Variants in SLC38A9 observed in about 807,000 individuals in gnomAD.
The protein encoded by SLC38A9 is solute carrier family 38 member 9.
In SLC38A9, 48 loss-of-function variants were observed where a neutral mutation model predicts 62.3. That is an observed-to-expected ratio of 0.77 (90% CI 0.61 to 0.98). SLC38A9 has a LOEUF of 0.98. SLC38A9 is among the 50% of genes least tolerant of loss of function. The pLI is 0.00. For synonymous variants in SLC38A9, 204 were observed against 227.7 expected (o/e 0.90, Z 0.94); for missense variants, 541 against 679.8 (o/e 0.80, Z 2.27).
intron 2 of SLC38A9, among the ~76,000 whole-genome samples, chr5:55,699,704 G>C (rs999572201): frequency 1.5e-5 from 2 of 136,916 alleles, no homozygotes; most frequent in African/African-American, 2.6e-5. Context: ...GTTTAAATAA[G>C]GACCAGAGTG....
intron 14 of SLC38A9, among the ~76,000 whole-genome samples, chr5:55,628,960 T>C (rs1742949035): frequency 6.6e-6 from 1 of 152,134 alleles, no homozygotes; most frequent in Non-Finnish European, 1.5e-5. Flanking sequence ...CAGATAAAGA[T>C]TACAGAGAAT....
At chr5:55,683,024 G>C (rs1437327860) in intron 3 of SLC38A9, among the ~76,000 whole-genome samples, 1 of 151,844 alleles carries the variant, frequency 6.6e-6, no homozygotes, top group Non-Finnish European at 1.5e-5. Context: ...AGGTGGGGAA[G>C]AAGAGAAGAA....
intron 3 of SLC38A9, chr5:55,693,446 T>C (rs976922716): frequency 2.0e-5 from 3 of 152,192 alleles, no homozygotes; most frequent in African/African-American, 7.2e-5. Context: ...GAAATTTTGA[T>C]TGCTTTTAAT....
At chr5:55,682,687 A>G (rs6876798) in intron 3 of SLC38A9, among the ~76,000 whole-genome samples, 91,041 of 151,658 alleles carry the variant, frequency 0.6, 27,873 homozygotes, top group South Asian at 0.7. Context: ...AGGCAGGAGG[A>G]CTGCTTGAGC....
rs1742360426 is a variant in SLC38A9 at position 55,625,926 on chromosome 5, C to T, written c.*568G>A. On this transcript the variant is annotated 3_prime_UTR_variant, in exon 16 of 16. Coordinates refer to ENST00000396865, the MANE Select transcript of SLC38A9 (RefSeq NM_173514.4). ...GGGATTACATTGACATTACTTTTGT[C>T]TCTACTTTTTCTTCAAATAGAGATT... 6.6e-6 allele frequency: 1 copy of T among 152,578 alleles called. No individual in the cohort carries two copies. Among genetic ancestry groups the T allele is most frequent in the African/African-American group, 2.4e-5 (1 of 41,420 alleles). 9.5% of individuals were successfully genotyped at this position (152,578 alleles called of 1,614,324 possible).
At chr5:55,637,259 A>G (rs1744564884) in intron 12 of SLC38A9, among the ~76,000 whole-genome samples, 5 of 152,198 alleles carry the variant, frequency 3.3e-5, no homozygotes, top group Admixed American at 3.3e-4. Flanking sequence ...GACATCTTGC[A>G]AAGAAGTGTA....
At chr5:55,655,487 C>CA (rs1400638991) in intron 9 of SLC38A9, among the ~76,000 whole-genome samples, 3 of 152,050 alleles carry the variant, frequency 2.0e-5, no homozygotes, top group Non-Finnish European at 1.5e-5. Context: ...GAATAGGGCA[C>CA]AAGAGATTTT....
chr5:55,681,544 T>A (rs992049447), intron 3 of SLC38A9, among the ~76,000 whole-genome samples: 4 of 152,224 alleles, frequency 2.6e-5, no homozygotes, highest in Non-Finnish European at 5.9e-5. Context: ...GACTGCAGGT[T>A]TGCTTCAGGG....
At chr5:55,666,479 G>C (rs1447486553) in intron 7 of SLC38A9, among the ~76,000 whole-genome samples, 1 of 152,180 alleles carries the variant, frequency 6.6e-6, no homozygotes, top group African/African-American at 2.4e-5. Flanking sequence ...TGCCACCTTT[G>C]AAGCAAAATA....
intron 2 of SLC38A9, among the ~76,000 whole-genome samples, chr5:55,710,183 G>A (rs2150754207): frequency 6.8e-6 from 1 of 146,182 alleles, no homozygotes; most frequent in East Asian, 2.0e-4. Flanking sequence ...TAGAAACAAA[G>A]CAACTATATA....
intron 11 of SLC38A9, 133 bp downstream of exon 11, chr5:55,649,074 A>G (rs1746908431): frequency 2.1e-6 from 1 of 482,072 alleles, no homozygotes; most frequent in Non-Finnish European, 3.7e-6. Context: ...TCTCAACTGT[A>G]GTCCTGTTTT....
chr5:55,651,246 A>T lies in SLC38A9; in HGVS notation c.952+1283T>A, dbSNP rs1314513404. ...TTTCACTGGGGGGGTTCCTTTTGCC[A>T]TCTTTTTTTTTTTTTTTTTTTTAAG... On this transcript the variant is annotated intron_variant, in intron 10 of 15. Transcript: ENST00000396865. Among the ~76,000 whole-genome samples the T allele has an allele frequency of 3.6e-3, 408 of 113,968 alleles. 15 individuals are homozygous for T. In the East Asian group the frequency reaches 0.074, roughly 21 times the overall value. The allele number at this position is 113,968 out of a possible 152,430, so 74.8% of individuals were successfully genotyped here. A position where few individuals can be genotyped will look rare whatever the true frequency, so the allele number is the denominator to read the frequency against.
chr5:55,641,289 T>C (rs558131761), intron 12 of SLC38A9, among the ~76,000 whole-genome samples: 2 of 152,360 alleles, frequency 1.3e-5, no homozygotes, highest in African/African-American at 4.8e-5. Flanking sequence ...ATCTTTTCCA[T>C]GCCTTGGTGA....
intron 9 of SLC38A9, among the ~76,000 whole-genome samples, chr5:55,654,805 A>G (rs909044852): frequency 6.6e-6 from 1 of 152,160 alleles, no homozygotes; most frequent in African/African-American, 2.4e-5. Flanking sequence ...ATGCCTGCAC[A>G]CAGGCATTCA....
chr5:55,669,704 T>C (rs1045515871), intron 5 of SLC38A9, 54 bp downstream of exon 5: 9 of 1,586,676 alleles, frequency 5.7e-6, no homozygotes, highest in Non-Finnish European at 7.7e-6. Flanking sequence ...AAAAAACCAG[T>C]AATTTTCATC....
At chr5:55,703,665 C>T (rs765737961) in intron 2 of SLC38A9, among the ~76,000 whole-genome samples, 3 of 152,084 alleles carry the variant, frequency 2.0e-5, no homozygotes, top group Non-Finnish European at 2.9e-5. Context: ...ATTAACAATT[C>T]GGTTGACTTG....
chr5:55,661,429 A>C (rs1749536524), intron 8 of SLC38A9, among the ~76,000 whole-genome samples: 1 of 128,164 alleles, frequency 7.8e-6, no homozygotes, highest in Non-Finnish European at 1.6e-5. Flanking sequence ...TGGGTGACAG[A>C]GCAAGACTCC....
intron 2 of SLC38A9, among the ~76,000 whole-genome samples, chr5:55,704,887 T>C (rs887381497): frequency 3.3e-5 from 5 of 152,210 alleles, no homozygotes; most frequent in Admixed American, 6.5e-5. Flanking sequence ...CTAAGATTCA[T>C]TGGTTTTGGA....
At chr5:55,652,793 A>C in intron 9 of SLC38A9, 70 bp from the exon 10 acceptor site, 3 of 1,319,224 alleles carry the variant, frequency 2.3e-6, no homozygotes, top group South Asian at 1.5e-5. Flanking sequence ...AAAACAGAAA[A>C]TGACTGCCTC....
Sources: allele counts gnomAD v4.1 joint callset (sites outside exome capture counted in the v4.1 genomes callset), GRCh38; gene constraint gnomAD v4.1.1; transcripts MANE v1.5; gene names NCBI Gene and HGNC (gene_info 2026-07-23, HGNC 2026-07-21).